Variants in PRKCQ observed in about 807,000 individuals in gnomAD.
The protein encoded by PRKCQ is protein kinase C theta type.
In PRKCQ, 41 loss-of-function variants were observed where a neutral mutation model predicts 91.2. The ratio of observed to expected loss-of-function variants is 0.45; its 90% CI spans 0.35 to 0.58. The LOEUF (loss-of-function observed/expected upper bound fraction) is 0.58, where lower values mean the gene tolerates loss of function less well. Ranked by LOEUF, PRKCQ falls within the 20% of genes least tolerant of loss-of-function variation. The pLI, the probability that PRKCQ is intolerant of heterozygous loss-of-function variation, is 0.00. For missense variants in PRKCQ, 673 were observed against 896.5 expected, an observed-to-expected ratio of 0.75 and a Z score of 3.18; for synonymous variants, 307 against 316.9, an observed-to-expected ratio of 0.97 and a Z score of 0.33.
intron 15 of PRKCQ, among the ~76,000 whole-genome samples, chr10:6,449,268 G>A (rs946311936): frequency 4.0e-5 from 6 of 149,700 alleles, no homozygotes; most frequent in Non-Finnish European, 7.4e-5. Context: ...GCCAAGGCTC[G>A]AGAACTACAT....
intron 1 of PRKCQ, 137 bp downstream of exon 1, chr10:6,580,074 C>T (rs1841410248): frequency 6.6e-6 from 1 of 152,400 alleles, no homozygotes; most frequent in South Asian, 2.1e-4. Context: ...GTTCCATTTC[C>T]TACTCCGCCT....
At chr10:6,538,746 C>T (rs1462926001) in intron 1 of PRKCQ, among the ~76,000 whole-genome samples, 1 of 152,148 alleles carries the variant, frequency 6.6e-6, no homozygotes, top group Non-Finnish European at 1.5e-5. Context: ...TTGACTTTTA[C>T]CTATTTCCAT....
intron 8 of PRKCQ, chr10:6,489,528 G>A (rs1283540356): frequency 4.0e-6 from 2 of 500,658 alleles, no homozygotes; most frequent in Non-Finnish European, 8.2e-6. Flanking sequence ...ACGACGGCCT[G>A]CAAGGAGGCA....
At chr10:6,463,551 C>A (rs1439020211) in intron 13 of PRKCQ, among the ~76,000 whole-genome samples, 2 of 152,142 alleles carry the variant, frequency 1.3e-5, no homozygotes, top group Non-Finnish European at 2.9e-5. Context: ...GATAAACAGC[C>A]ATTCCAGCCA....
intron 7 of PRKCQ, among the ~76,000 whole-genome samples, chr10:6,492,278 T>A (rs1837357362): frequency 6.6e-6 from 1 of 152,150 alleles, no homozygotes; most frequent in East Asian, 1.9e-4. Flanking sequence ...AAGGAAACAT[T>A]TCTATGGGTT....
chr10:6,441,764 A>G, intron 16 of PRKCQ, 129 bp downstream of exon 16: 1 of 925,800 alleles, frequency 1.1e-6, no homozygotes, highest in Non-Finnish European at 1.6e-6. Flanking sequence ...GACGGTGCAC[A>G]TCCCATTTAA....
At chr10:6,553,239 C>T (rs1212098436) in intron 1 of PRKCQ, among the ~76,000 whole-genome samples, 1 of 152,114 alleles carries the variant, frequency 6.6e-6, no homozygotes, top group African/African-American at 2.4e-5. Flanking sequence ...CTGCAGATTC[C>T]ATCGGAATAG....
intron 2 of PRKCQ, among the ~76,000 whole-genome samples, chr10:6,514,110 C>T (rs1283850480): frequency 6.6e-6 from 1 of 152,198 alleles, no homozygotes; most frequent in Non-Finnish European, 1.5e-5. Flanking sequence ...GCAGTGGTCT[C>T]TCCGTAAACA....
chr10:6,428,465 T>C (rs1389082265), intron 17 of PRKCQ, 103 bp from the exon 18 acceptor site: 1 of 1,350,390 alleles, frequency 7.4e-7, no homozygotes, highest in African/African-American at 1.5e-5. Flanking sequence ...TATGGCAAAG[T>C]TGGTGTTTGC....
At chr10:6,395,114 G>A in the PRKCQ span, among the ~76,000 whole-genome samples, 3 of 144,542 alleles carry the variant, frequency 2.1e-5, no homozygotes, top group Non-Finnish European at 3.0e-5. Context: ...CCAGGCTGGA[G>A]TGCAGTGGCT....
At chr10:6,411,770 T>C in the PRKCQ span, among the ~76,000 whole-genome samples, 1 of 152,226 alleles carries the variant, frequency 6.6e-6, no homozygotes, top group Non-Finnish European at 1.5e-5. Flanking sequence ...ACATTATGAG[T>C]TGGCTACTCA....
intron 3 of PRKCQ, 49 bp from the exon 4 acceptor site, chr10:6,507,545 T>A (rs368527000): frequency 1.3e-6 from 2 of 1,493,412 alleles, no homozygotes; most frequent in South Asian, 1.1e-5. Flanking sequence ...AAACAAGCCC[T>A]GAGTTCAATG....
At chr10:6,493,048 A>G (rs1837408294) in intron 7 of PRKCQ, among the ~76,000 whole-genome samples, 1 of 152,222 alleles carries the variant, frequency 6.6e-6, no homozygotes, top group Non-Finnish European at 1.5e-5. Context: ...TTAAATATGG[A>G]CAATTAATAG....
chr10:6,458,218 G>A (rs561926924), intron 14 of PRKCQ, among the ~76,000 whole-genome samples: 27 of 152,346 alleles, frequency 1.8e-4, no homozygotes, highest in Non-Finnish European at 3.5e-4. Context: ...ATAGGCGTGA[G>A]CCACTGCGCC....
intron 1 of PRKCQ, among the ~76,000 whole-genome samples, chr10:6,562,719 A>G (rs1223322436): frequency 2.0e-5 from 3 of 152,206 alleles, no homozygotes; most frequent in Non-Finnish European, 4.4e-5. Context: ...CATGGCATCA[A>G]ACTGCTTGAG....
At chr10:6,537,887 C>T (rs527535112) in intron 1 of PRKCQ, among the ~76,000 whole-genome samples, 69 of 152,240 alleles carry the variant, frequency 4.5e-4, no homozygotes, top group Non-Finnish European at 8.1e-4. Context: ...CACAGCGCCC[C>T]CCTTCCCTGC....
rs562750737 is a variant in PRKCQ, at chr10:6,492,769, T to C, written c.661-957A>G. 3.9e-5 allele frequency among the ~76,000 whole-genome samples: 6 copies of C among 152,330 alleles called. 1 individual carries two copies. Among genetic ancestry groups the C allele is most frequent in the African/African-American group, 1.4e-4 (6 of 41,564 alleles). On this transcript the variant is annotated intron_variant, in intron 7 of 17. Coordinates refer to ENST00000263125, the MANE Select transcript of PRKCQ (RefSeq NM_006257.5). ...GTTGGATTCCTGGTAAGAATGTGAA[T>C]ATTCTTGTGCAGGATAAAATGCTTT...
intron 15 of PRKCQ, among the ~76,000 whole-genome samples, chr10:6,450,260 C>T (rs1360566995): frequency 6.4e-4 from 94 of 145,888 alleles, no homozygotes; most frequent in African/African-American, 2.3e-3. Context: ...AAATGGAAAA[C>T]AAAAAAAGGC....
rs1837737386 is a variant in PRKCQ, at chr10:6,498,475, G to A, written c.463C>T (p.His155Tyr). The change falls in exon 5 of 18, where the codon CAC (histidine) becomes TAC (tyrosine). Residue 155 changes from histidine to tyrosine, a missense_variant. Physicochemically the swap from His to Tyr is moderately conservative, Grantham distance 83. Coordinates refer to ENST00000263125, the MANE Select transcript of PRKCQ (RefSeq NM_006257.5). ...GTGAACTCGTGGCACTTGACGTGGT[G>A]GACCTTTGCCTGCTTGATGGCACCC... is the stretch of plus-strand genomic sequence containing the variant. Reference protein sequence around the residue: ...RRGAIKQAKVHHVKCHEFTAT... With the variant: ...RRGAIKQAKVYHVKCHEFTAT... 2 of 1,614,210 alleles carry A rather than the reference G, an allele frequency of 1.2e-6. No individual in the cohort carries two copies. Among genetic ancestry groups the A allele is most frequent in the Non-Finnish European group, 1.7e-6 (2 of 1,180,030 alleles).
Sources: gnomAD v4.1 joint callset for allele counts (sites outside exome capture counted in the v4.1 genomes callset) on GRCh38, gnomAD v4.1.1 for gene constraint, MANE v1.5 for transcripts, NCBI Gene and HGNC (gene_info 2026-07-23, HGNC 2026-07-21) for gene names.